Variants in SYT1 observed in about 807,000 individuals in gnomAD.
The protein encoded by SYT1 is synaptotagmin 1.
A neutral mutation model predicts 44.8 loss-of-function variants in SYT1; 8 were observed. The observed-to-expected ratio is 0.18, with a 90% CI of 0.10 to 0.32. SYT1 has a LOEUF of 0.32. Ranked by LOEUF, SYT1 falls within the 10% of genes least tolerant of loss-of-function variation. The pLI, the probability that SYT1 is intolerant of heterozygous loss-of-function variation, is 1.00. For synonymous variants in SYT1, 154 were observed against 188.8 expected (o/e 0.82, Z 1.51); for missense variants, 286 against 509.3 (o/e 0.56, Z 4.22).
intron 4 of SYT1, among the ~76,000 whole-genome samples, chr12:79,259,888 T>C (rs758362797): frequency 2.6e-5 from 4 of 152,224 alleles, no homozygotes; most frequent in Non-Finnish European, 5.9e-5. Flanking sequence ...ACTTGCTGAG[T>C]ATGATTGGCA....
intron 8 of SYT1, among the ~76,000 whole-genome samples, chr12:79,345,089 C>G (rs1356587721): frequency 6.6e-6 from 1 of 152,150 alleles, no homozygotes; most frequent in East Asian, 1.9e-4. Context: ...CCTGCCGAAC[C>G]TTCCTTATCT....
chr12:79,303,515 G>A (rs937007750), intron 8 of SYT1, among the ~76,000 whole-genome samples: 34 of 151,860 alleles, frequency 2.2e-4, no homozygotes, highest in African/African-American at 8.2e-4. Context: ...TCGGCTTTGT[G>A]TAAAATTTGG....
intron 4 of SYT1, among the ~76,000 whole-genome samples, chr12:79,251,211 T>A (rs993633704): frequency 1.3e-5 from 2 of 152,166 alleles, no homozygotes; most frequent in Admixed American, 1.3e-4. Flanking sequence ...CTGAGACTTA[T>A]ATCCACCCTT....
At chr12:79,419,290 G>A (rs1038988021) in intron 9 of SYT1, 7 of 524,194 alleles carry the variant, frequency 1.3e-5, no homozygotes, top group Non-Finnish European at 2.8e-5. Context: ...TTAGAAAAGA[G>A]AATTCCAAAT....
intron 3 of SYT1, among the ~76,000 whole-genome samples, chr12:79,185,809 A>G (rs1249519158): frequency 3.3e-5 from 5 of 152,018 alleles, no homozygotes; most frequent in Non-Finnish European, 7.4e-5. Context: ...GGCTTTTTCT[A>G]TAAAATATGT....
intron 3 of SYT1, among the ~76,000 whole-genome samples, chr12:79,138,478 A>G (rs184328567): frequency 6.6e-6 from 1 of 152,350 alleles, no homozygotes; most frequent in East Asian, 1.9e-4. Context: ...AAAAAGTACT[A>G]TCTTAATTCA....
intron 1 of SYT1, among the ~76,000 whole-genome samples, chr12:78,895,882 A>G (rs570152202): frequency 6.6e-6 from 1 of 151,814 alleles, no homozygotes; most frequent in South Asian, 2.1e-4. Flanking sequence ...TATAAAAAGT[A>G]TAATTGTGTA....
chr12:79,403,272 T>C (rs1343540250), intron 9 of SYT1, among the ~76,000 whole-genome samples: 1 of 151,988 alleles, frequency 6.6e-6, no homozygotes, highest in African/African-American at 2.4e-5. Context: ...GAAGAGGCAG[T>C]TGGGAGAGAG....
At chr12:79,366,946 G>GTT (rs1246423404) in intron 9 of SYT1, among the ~76,000 whole-genome samples, 13 of 131,262 alleles carry the variant, frequency 9.9e-5, no homozygotes, top group African/African-American at 3.7e-4. Flanking sequence ...GTGTGTGTGT[G>GTT]TTCAAAGAAT....
intron 8 of SYT1, among the ~76,000 whole-genome samples, chr12:79,303,587 G>T (rs1431586828): frequency 6.6e-6 from 1 of 151,964 alleles, no homozygotes; most frequent in Non-Finnish European, 1.5e-5. Context: ...ATTGATTGCA[G>T]AATTAAAACA....
intron 8 of SYT1, among the ~76,000 whole-genome samples, chr12:79,321,694 A>T (rs1881366467): frequency 6.6e-6 from 1 of 152,200 alleles, no homozygotes; most frequent in African/African-American, 2.4e-5. Context: ...TGAGACTAGT[A>T]TTTACCAAAA....
intron 9 of SYT1, among the ~76,000 whole-genome samples, chr12:79,381,930 G>T (rs959938485): frequency 6.6e-6 from 1 of 152,142 alleles, no homozygotes; most frequent in African/African-American, 2.4e-5. Context: ...TCAGAGGGGC[G>T]TCTATCTGGC....
At chr12:79,108,310 T>G (rs1878825958) in intron 3 of SYT1, among the ~76,000 whole-genome samples, 2 of 152,020 alleles carry the variant, frequency 1.3e-5, no homozygotes, top group Admixed American at 1.3e-4. Flanking sequence ...TAGGGAAATA[T>G]TTACATCCAA....
intron 9 of SYT1, among the ~76,000 whole-genome samples, chr12:79,440,636 AT>A (rs1210530192): frequency 6.6e-6 from 1 of 152,190 alleles, no homozygotes; most frequent in African/African-American, 2.4e-5. Context: ...TTTCCATAAA[AT>A]TGTGTTTTAT....
chr12:79,232,590 T>G (rs1265440585), intron 4 of SYT1, among the ~76,000 whole-genome samples: 1 of 152,212 alleles, frequency 6.6e-6, no homozygotes, highest in Non-Finnish European at 1.5e-5. Context: ...GCTTTTCCTT[T>G]TTTCTGGTAC....
At chr12:78,913,025 G>C (rs944040627) in intron 1 of SYT1, among the ~76,000 whole-genome samples, 8 of 151,640 alleles carry the variant, frequency 5.3e-5, no homozygotes, top group African/African-American at 1.9e-4. Context: ...GGATGTTATT[G>C]AGTCTATTCT....
chr12:79,255,377 T>C (rs1037661732), intron 4 of SYT1, among the ~76,000 whole-genome samples: 59 of 152,226 alleles, frequency 3.9e-4, no homozygotes, highest in African/African-American at 1.3e-3. Flanking sequence ...TTTTTAGACC[T>C]AATGCTATTA....
At chr12:78,891,252 T>G (rs1488948798) in intron 1 of SYT1, among the ~76,000 whole-genome samples, 1 of 151,888 alleles carries the variant, frequency 6.6e-6, no homozygotes, top group East Asian at 1.9e-4. Context: ...CACTTTTACA[T>G]GCTTTTTCTC....
chr12:79,205,643 C>T (rs1349041954), intron 3 of SYT1, among the ~76,000 whole-genome samples: 1 of 152,146 alleles, frequency 6.6e-6, no homozygotes, highest in Non-Finnish European at 1.5e-5. Flanking sequence ...TTCTGTATAT[C>T]ACTTTAGTAA....
Sources: allele counts gnomAD v4.1 joint callset (sites outside exome capture counted in the v4.1 genomes callset), GRCh38; gene constraint gnomAD v4.1.1; transcripts MANE v1.5; gene names NCBI Gene and HGNC (gene_info 2026-07-23, HGNC 2026-07-21).